Variants in NCEH1 observed in about 807,000 individuals in gnomAD.
The protein encoded by NCEH1 is 2-acetyl MAGE hydrolase.
Under a neutral mutation model 25.4 loss-of-function variants are expected in NCEH1, and 9 were observed. The ratio of observed to expected loss-of-function variants is 0.35; its 90% CI spans 0.21 to 0.62. NCEH1 has a LOEUF of 0.62. NCEH1 is among the 20% of genes least tolerant of loss of function. The probability of loss-of-function intolerance (pLI) is 0.72; values close to 1 mark genes in which losing one functional copy is unlikely to be tolerated. For missense variants in NCEH1, 412 were observed against 501.1 expected (o/e 0.82, Z 1.70); for synonymous variants, 200 against 199.8 (o/e 1.00, Z -0.01).
intron 1 of NCEH1, among the ~76,000 whole-genome samples, chr3:172,658,840 CTTTTTTTT>C (rs33955977): frequency 6.7e-5 from 5 of 74,222 alleles, no homozygotes; most frequent in African/African-American, 1.2e-4. Flanking sequence ...AATTCCAAAA[CTTTTTTTT>C]TTTTTTTTTT....
chr3:172,656,976 A>G (rs555096467), intron 1 of NCEH1, among the ~76,000 whole-genome samples: 46 of 151,824 alleles, frequency 3.0e-4, no homozygotes, highest in Non-Finnish European at 5.9e-4. Flanking sequence ...CCTCTTCTCC[A>G]GTTTCTTGTT....
chr3:172,707,713 G>T (rs1396338977), intron 1 of NCEH1, among the ~76,000 whole-genome samples: 11 of 152,214 alleles, frequency 7.2e-5, no homozygotes. Context: ...AGCCTCCCGA[G>T]TAGCCGGGAC....
chr3:172,642,648 A>C (rs1464843067), intron 3 of NCEH1, among the ~76,000 whole-genome samples: 1 of 149,856 alleles, frequency 6.7e-6, no homozygotes, highest in Admixed American at 6.6e-5. Flanking sequence ...AAGTACTGTG[A>C]GTTCCAAACA....
intron 1 of NCEH1, among the ~76,000 whole-genome samples, chr3:172,691,648 T>C (rs796168764): frequency 7.2e-4 from 110 of 152,262 alleles, no homozygotes; most frequent in African/African-American, 2.5e-3. Flanking sequence ...CAAATGAGGG[T>C]AAAGAAAGAA....
chr3:172,699,994 G>C (rs559396919), intron 1 of NCEH1, among the ~76,000 whole-genome samples: 3 of 152,242 alleles, frequency 2.0e-5, no homozygotes, highest in South Asian at 4.1e-4. Context: ...CTATCTATCT[G>C]TGTTTAATAA....
At chr3:172,710,615 G>C (rs927068124) in intron 1 of NCEH1, among the ~76,000 whole-genome samples, 1 of 152,202 alleles carries the variant, frequency 6.6e-6, no homozygotes, top group Non-Finnish European at 1.5e-5. Context: ...TTCTATTCAA[G>C]CACTTCTTCC....
intron 1 of NCEH1, among the ~76,000 whole-genome samples, chr3:172,682,566 CT>C (rs1179300759): frequency 6.6e-6 from 1 of 152,166 alleles, no homozygotes; most frequent in African/African-American, 2.4e-5. Flanking sequence ...TCTTTGGTCC[CT>C]CAGCTTCCAC....
intron 1 of NCEH1, among the ~76,000 whole-genome samples, chr3:172,685,164 C>T (rs1324668888): frequency 6.7e-6 from 1 of 148,600 alleles, no homozygotes; most frequent in Non-Finnish European, 1.5e-5. Context: ...GTGGCAGGTA[C>T]ATGCCTGTGG....
At chr3:172,650,902 G>T (rs1717373985) in intron 1 of NCEH1, among the ~76,000 whole-genome samples, 1 of 148,924 alleles carries the variant, frequency 6.7e-6, no homozygotes, top group African/African-American at 2.5e-5. Context: ...AGTAGAAAAA[G>T]AATTTAGAGA....
At chr3:172,684,268 T>C (rs1316389782) in intron 1 of NCEH1, among the ~76,000 whole-genome samples, 1 of 152,210 alleles carries the variant, frequency 6.6e-6, no homozygotes, top group East Asian at 1.9e-4. Flanking sequence ...TATACATATA[T>C]AGTGCTTGAG....
At chr3:172,651,811 C>G (rs4894574) in intron 1 of NCEH1, among the ~76,000 whole-genome samples, 72,185 of 151,884 alleles carry the variant, frequency 0.48, 17,657 homozygotes, top group East Asian at 0.75. Context: ...CACCCACCTC[C>G]GCCTCCCAAA....
rs541538950 is a variant in NCEH1, at chr3:172,647,276, C to T, written c.367+610G>A. Among the ~76,000 whole-genome samples the T allele has an allele frequency of 2.4e-3, 361 of 152,300 alleles. 2 individuals carry two copies. The highest frequency in any genetic ancestry group is 8.5e-3 in the African/African-American group (354 of 41,564). On this transcript the variant is annotated intron_variant, in intron 2 of 4. Transcript: ENST00000475381. The stretch of plus-strand genomic sequence containing the variant: ...CCGCCTTGGGAGGTTCTCTTCTGGG[C>T]GGCTCTGTTTGGCTGCCTGCCATTT...
At chr3:172,707,518 T>C (rs1052346848) in intron 1 of NCEH1, among the ~76,000 whole-genome samples, 4 of 152,252 alleles carry the variant, frequency 2.6e-5, no homozygotes, top group African/African-American at 9.6e-5. Context: ...CCTTTTATCT[T>C]ATAGAGCAGT....
At chr3:172,643,720 C>T (rs992119529) in intron 3 of NCEH1, among the ~76,000 whole-genome samples, 2 of 152,102 alleles carry the variant, frequency 1.3e-5, no homozygotes, top group Non-Finnish European at 2.9e-5. Flanking sequence ...TATTGAAGCC[C>T]GGAGGGTAGG....
rs1414584773 is a variant in NCEH1, at chr3:172,710,938, G to A, written c.47C>T (p.Ala16Val). 1 of 1,614,168 alleles carries A rather than the reference G, an allele frequency of 6.2e-7. No homozygotes were observed. The highest frequency in any genetic ancestry group is 8.5e-7 in the Non-Finnish European group (1 of 1,180,046). Residue 16 changes from alanine (A) to valine (V), a missense_variant, in exon 1 of 5, where the codon GCC becomes GTC. Physicochemically the swap from Ala to Val is moderately conservative, Grantham distance 64. This residue lies in a region of NCEH1 where 178 missense variants were observed against 189.2 expected (regional missense o/e 0.94). Transcript: ENST00000475381. ...VLLTALVALA[A>V]YYVYIPLPGS... ...AGGCAGCGGGATGTAGACGTAATAGGCGGCCAGCGCCACCAGGGCGGTGAG... is the reference window on the plus strand; with the variant it reads ...AGGCAGCGGGATGTAGACGTAATAGACGGCCAGCGCCACCAGGGCGGTGAG...
At chr3:172,697,252 C>A (rs1000985507) in intron 1 of NCEH1, among the ~76,000 whole-genome samples, 1 of 152,046 alleles carries the variant, frequency 6.6e-6, no homozygotes, top group Admixed American at 6.6e-5. Context: ...AAAGCAAATA[C>A]TGAGGCCATT....
chr3:172,648,422 AT>A (rs1717231431), intron 1 of NCEH1, among the ~76,000 whole-genome samples: 1 of 152,172 alleles, frequency 6.6e-6, no homozygotes, highest in Admixed American at 6.5e-5. Flanking sequence ...TTAGGTTTGA[AT>A]TCCAGGATTC....
In NCEH1 at chr3:172,661,159, A is replaced by T. The variant is rs148525643; in HGVS notation, c.139-13045T>A. Reference sequence around the variant, plus strand: ...TTGAATTAATTTTTGTATAACATGTAAGGAAGGGATCCAGTTTCAGCTTTC... The same window carrying T: ...TTGAATTAATTTTTGTATAACATGTTAGGAAGGGATCCAGTTTCAGCTTTC... On this transcript the variant is annotated intron_variant, in intron 1 of 4. Coordinates refer to ENST00000475381, the MANE Select transcript of NCEH1 (RefSeq NM_020792.6). Among the ~76,000 whole-genome samples the T allele has an allele frequency of 5.4e-4, 82 of 152,348 alleles. 1 individual carries two copies. The highest frequency in any genetic ancestry group is 8.1e-4 in the Non-Finnish European group (55 of 68,030).
intron 1 of NCEH1, among the ~76,000 whole-genome samples, chr3:172,648,610 C>T (rs1424353621): frequency 1.3e-5 from 2 of 151,926 alleles, no homozygotes; most frequent in Admixed American, 6.6e-5. Flanking sequence ...CTTTAAATTG[C>T]TTTGTAACTT....
Sources: allele counts gnomAD v4.1 joint callset (sites outside exome capture counted in the v4.1 genomes callset), GRCh38; gene constraint gnomAD v4.1.1; regional missense constraint gnomAD v4.1.1; transcripts MANE v1.5; gene names NCBI Gene and HGNC (gene_info 2026-07-23, HGNC 2026-07-21).